Variants in GPD2 observed in about 807,000 individuals in gnomAD.
GPD2 encodes the protein glycerol-3-phosphate dehydrogenase 2, also known as glycerol-3-phosphate dehydrogenase, mitochondrial.
Under a neutral mutation model 82.4 loss-of-function variants are expected in GPD2, and 54 were observed. The ratio of observed to expected loss-of-function variants is 0.66; its 90% CI spans 0.53 to 0.82. The LOEUF is 0.82. GPD2 is among the 40% of genes least tolerant of loss of function. The pLI is 0.00. For synonymous variants in GPD2, 288 were observed against 306.1 expected (o/e 0.94, Z 0.62); for missense variants, 748 against 896.2 (o/e 0.83, Z 2.11).
intron 3 of GPD2, among the ~76,000 whole-genome samples, chr2:156,507,396 A>T (rs1255543690): frequency 6.6e-6 from 1 of 150,888 alleles, no homozygotes; most frequent in Non-Finnish European, 1.5e-5. Context: ...ATCTTGGCTC[A>T]CTGCAACTTC....
At chr2:156,540,755 C>G (rs2105321188) in intron 6 of GPD2, among the ~76,000 whole-genome samples, 1 of 152,300 alleles carries the variant, frequency 6.6e-6, no homozygotes, top group Non-Finnish European at 1.5e-5. Flanking sequence ...CCCCATCTTC[C>G]TATCCTTCAT....
the GPD2 span, among the ~76,000 whole-genome samples, chr2:156,410,158 T>C: frequency 2.6e-5 from 4 of 152,252 alleles, no homozygotes; most frequent in Non-Finnish European, 4.4e-5. Context: ...AGGCTAGCAG[T>C]GTGTGACACC....
At position 156,569,438 on chromosome 2, in the gene GPD2, C is replaced by G; in HGVS notation, c.1376C>G (p.Ala459Gly). ...NAAVKTHNLKAGPSRTVGLFL... is the reference protein window; with the variant it reads ...NAAVKTHNLKGGPSRTVGLFL... The stretch of plus-strand genomic sequence containing the variant: ...GCTGTCAAAACTCATAATTTAAAAG[C>G]AGGACCAAGTAGAACAGTTGGGCTT... The change falls in exon 11 of 17, where the codon GCA (alanine) becomes GGA (glycine). Residue 459 changes from alanine (A) to glycine (G), a missense_variant. Physicochemically the swap from Ala to Gly is moderately conservative, Grantham distance 60. Around this residue, in one of 3 missense-constraint regions of GPD2, gnomAD observed 692 missense variants for 809.7 expected, o/e 0.85. Transcript: ENST00000438166. The G allele has an allele frequency of 1.9e-6, 3 of 1,610,366 alleles. No homozygotes were observed. The highest frequency in any genetic ancestry group is 1.7e-6 in the Non-Finnish European group (2 of 1,176,790).
Position 156,480,509 on chromosome 2 carries a change from G to A in GPD2, c.102+4302G>A, listed in dbSNP as rs990667475. On this transcript the variant is annotated intron_variant, in intron 2 of 16. Coordinates refer to ENST00000438166, the MANE Select transcript of GPD2 (RefSeq NM_000408.5). ...TGGAAAAACTGATGTGATGATGTAG[G>A]CTTTTCTTTAACCTCAGTGATGTGG... Among the ~76,000 whole-genome samples the A allele has an allele frequency of 3.9e-5, 6 of 152,022 alleles. No individual in the cohort carries two copies. The East Asian group carries it at 1.2e-3, about 29-fold the overall frequency.
chr2:156,536,474 T>G (rs932554971), intron 6 of GPD2, among the ~76,000 whole-genome samples: 2 of 152,254 alleles, frequency 1.3e-5, no homozygotes, highest in African/African-American at 4.8e-5. Flanking sequence ...TATCCTCAGC[T>G]ACGATATTGA....
intron 6 of GPD2, among the ~76,000 whole-genome samples, chr2:156,533,878 G>A (rs1685959074): frequency 6.6e-6 from 1 of 152,324 alleles, no homozygotes; most frequent in East Asian, 1.9e-4. Context: ...AGCGCTTTTG[G>A]GCTCCAGCCC....
intron 2 of GPD2, among the ~76,000 whole-genome samples, chr2:156,479,125 A>G (rs376490712): frequency 2.6e-5 from 4 of 152,378 alleles, no homozygotes; most frequent in South Asian, 4.1e-4. Context: ...AGATAGTACT[A>G]TGAGTGTTTA....
At chr2:156,578,776 C>T in intron 13 of GPD2, 113 bp from the exon 14 acceptor site, 1 of 702,412 alleles carries the variant, frequency 1.4e-6, no homozygotes, top group Non-Finnish European at 2.6e-6. Flanking sequence ...AAAAATTGTG[C>T]TGGTTAGATA....
intron 6 of GPD2, among the ~76,000 whole-genome samples, chr2:156,539,205 T>C (rs1686205057): frequency 6.6e-6 from 1 of 152,202 alleles, no homozygotes. Flanking sequence ...TGCTTTGCAG[T>C]TTACAAATGC....
the GPD2 span, among the ~76,000 whole-genome samples, chr2:156,418,560 T>C: frequency 6.6e-6 from 1 of 152,154 alleles, no homozygotes; most frequent in Admixed American, 6.6e-5. Flanking sequence ...ACCAGCCAAA[T>C]GGACTGTGTG....
At chr2:156,581,451 T>C (rs1298006926) in intron 16 of GPD2, among the ~76,000 whole-genome samples, 1 of 152,158 alleles carries the variant, frequency 6.6e-6, no homozygotes, top group African/African-American at 2.4e-5. Context: ...TGATAAACTT[T>C]GCAGGTCTTC....
intron 1 of GPD2, among the ~76,000 whole-genome samples, chr2:156,445,379 G>A (rs1682335013): frequency 6.6e-6 from 1 of 152,116 alleles, no homozygotes; most frequent in African/African-American, 2.4e-5. Flanking sequence ...CTTGACTTTT[G>A]CAACATTGTA....
chr2:156,446,217 T>TC (rs1682366588), intron 1 of GPD2, among the ~76,000 whole-genome samples: 1 of 152,158 alleles, frequency 6.6e-6, no homozygotes, highest in Admixed American at 6.5e-5. Context: ...TGCCTCAGCC[T>TC]CCCAAGTAGC....
At chr2:156,447,374 A>C (rs998160884) in intron 1 of GPD2, among the ~76,000 whole-genome samples, 3 of 151,514 alleles carry the variant, frequency 2.0e-5, no homozygotes, top group Non-Finnish European at 2.9e-5. Context: ...TTATCCTGTC[A>C]CTCAGGCTGG....
At chr2:156,565,242 G>A (rs1194832900) in intron 9 of GPD2, among the ~76,000 whole-genome samples, 2 of 152,154 alleles carry the variant, frequency 1.3e-5, no homozygotes, top group African/African-American at 2.4e-5. Flanking sequence ...TAGAGGGACT[G>A]TGGGGTGACC....
intron 6 of GPD2, among the ~76,000 whole-genome samples, chr2:156,545,603 C>T (rs1055547060): frequency 1.3e-5 from 2 of 152,110 alleles, no homozygotes; most frequent in African/African-American, 4.8e-5. Context: ...GATATCAGAT[C>T]AATAAGTCTG....
In GPD2 at chr2:156,583,929, C is replaced by T. The variant is rs913051784; in HGVS notation, c.*1011C>T. The T allele has an allele frequency of 6.6e-6, 1 of 152,214 alleles. No homozygotes were observed. Among genetic ancestry groups the T allele is most frequent in the African/African-American group, 2.4e-5 (1 of 41,384 alleles). The allele number at this position is 152,214 out of a possible 1,614,324, so 9.4% of individuals were successfully genotyped here. A position where few individuals can be genotyped will look rare whatever the true frequency, so the allele number is the denominator to read the frequency against. On this transcript the variant is annotated 3_prime_UTR_variant, in exon 17 of 17. Coordinates refer to ENST00000438166, the MANE Select transcript of GPD2 (RefSeq NM_000408.5). ...TAGCTTACCATCTTTTTTGGGGGTA[C>T]TTGCAACCATAGTAAAGGAAGATGG...
At chr2:156,568,990 CTTTTTTTTT>C in intron 10 of GPD2, 31 bp downstream of exon 10, 2 of 1,253,302 alleles carry the variant, frequency 1.6e-6, no homozygotes, top group East Asian at 2.6e-5. Flanking sequence ...ATTTTCTTTT[CTTTTTTTTT>C]TTTTTTTGTT....
At chr2:156,529,724 GGT>G (rs1685769460) in intron 6 of GPD2, among the ~76,000 whole-genome samples, 1 of 150,742 alleles carries the variant, frequency 6.6e-6, no homozygotes, top group South Asian at 2.1e-4. Flanking sequence ...GTTTTTCTCA[GGT>G]TTGTCAAAGA....
Sources: allele counts gnomAD v4.1 joint callset (sites outside exome capture counted in the v4.1 genomes callset), GRCh38; gene constraint gnomAD v4.1.1; regional missense constraint gnomAD v4.1.1; transcripts MANE v1.5; gene names NCBI Gene and HGNC (gene_info 2026-07-23, HGNC 2026-07-21).